C3orf38: variants seen among roughly 807,000 people sequenced by gnomAD.
C3orf38 encodes the protein chromosome 3 open reading frame 38, also known as uncharacterized protein C3orf38.
A neutral mutation model predicts 28.3 loss-of-function variants in C3orf38; 18 were observed. The ratio of observed to expected loss-of-function variants is 0.64; its 90% confidence interval spans 0.44 to 0.94. C3orf38 has a LOEUF of 0.94. Ranked by LOEUF, C3orf38 falls within the 40% of genes least tolerant of loss-of-function variation. C3orf38 has a pLI of 0.00. For synonymous variants in C3orf38, 145 were observed against 138.1 expected (o/e 1.05, Z -0.35); for missense variants, 364 against 396.4 (o/e 0.92, Z 0.69).
intron 1 of C3orf38, among the ~76,000 whole-genome samples, chr3:88,152,275 G>A (rs771007226): frequency 1.3e-5 from 2 of 151,780 alleles, no homozygotes; most frequent in Non-Finnish European, 2.9e-5. Flanking sequence ...AATTAGCTGG[G>A]TGTGGTGGCA....
chr3:88,157,425 A>G lies in C3orf38; in HGVS notation c.*790A>G, dbSNP rs1370355228. 1.3e-5 allele frequency: 2 copies of G among 152,182 alleles called. No homozygotes were observed. Among genetic ancestry groups the G allele is most frequent in the Non-Finnish European group, 2.9e-5 (2 of 68,008 alleles). The allele number at this position is 152,182 out of a possible 1,614,324, so 9.4% of individuals were successfully genotyped here. ...GTTACTGTAATACAATATAAAGGAA[A>G]TATGCTGTTGAAATTTTAAAGGTAT... On this transcript the variant is annotated 3_prime_UTR_variant, in exon 3 of 3. Coordinates refer to ENST00000318887, the MANE Select transcript of C3orf38 (RefSeq NM_173824.4).
intron 1 of C3orf38, 113 bp downstream of exon 1, chr3:88,150,298 G>A (rs781538058): frequency 1.5e-6 from 2 of 1,295,622 alleles, no homozygotes; most frequent in Admixed American, 2.3e-5. Flanking sequence ...CCACAGCTCT[G>A]GAACCACTAC....
chr3:88,156,217 A>G lies in C3orf38; in HGVS notation c.572A>G (p.Asp191Gly), dbSNP rs1223493186. 1 of 1,614,042 alleles carries G rather than the reference A, an allele frequency of 6.2e-7. No homozygotes were observed. The highest frequency in any genetic ancestry group is 8.5e-7 in the Non-Finnish European group (1 of 1,180,000). The change falls in exon 3 of 3, where the codon GAC becomes GGC. Residue 191 changes from aspartate to glycine, a missense_variant. Physicochemically the swap from Asp to Gly is moderately conservative, Grantham distance 94. Coordinates refer to ENST00000318887, the MANE Select transcript of C3orf38 (RefSeq NM_173824.4). The stretch of plus-strand genomic sequence containing the variant: ...AACACATCAGAACAAAATGTTATGG[A>G]CTACCATGGAGCAGAAATCGTGAGC... ...YYNTSEQNVM[D>G]YHGAEIVSLR...
In C3orf38 at chr3:88,156,392, T is replaced by G; in HGVS notation, c.747T>G (p.Ile249Met). ...TVHRGNTCLG[I>M]FEQIFGLIRC... Reference sequence around the variant, plus strand: ...ATCGAGGAAACACTTGTTTGGGCATTTTTGAACAAATTTTTGGACTCATCC... The same window carrying G: ...ATCGAGGAAACACTTGTTTGGGCATGTTTGAACAAATTTTTGGACTCATCC... Residue 249 changes from isoleucine to methionine, a missense_variant, in exon 3 of 3, where the codon ATT becomes ATG. Ile to Met is a conservative substitution (Grantham distance 10, BLOSUM62 1). Transcript: ENST00000318887. The G allele has an allele frequency of 6.2e-7, 1 of 1,614,236 alleles. No individual in the cohort carries two copies. The highest frequency in any genetic ancestry group is 8.5e-7 in the Non-Finnish European group (1 of 1,180,044).
At position 88,153,489 on chromosome 3, in the gene C3orf38, G is replaced by A. The variant is rs376204096; in HGVS notation, c.375+18G>A. ...TTCAACAGGTAAAATAAATCTTATG[G>A]TTGTATTCTGAACCTTTGTTCTGTC... On this transcript the variant is annotated intron_variant, in intron 2 of 2. Transcript: ENST00000318887. 6.2e-7 allele frequency: 1 copy of A among 1,612,600 alleles called. No homozygotes were observed. The highest frequency in any genetic ancestry group is 1.3e-5 in the African/African-American group (1 of 74,798).
intron 1 of C3orf38, chr3:88,151,139 A>G (rs536136336): frequency 1.3e-5 from 2 of 152,290 alleles, no homozygotes; most frequent in Admixed American, 1.3e-4. Flanking sequence ...CTAAAAGCAA[A>G]TAAGAAAAAA....
At chr3:88,154,223 A>C (rs1707451816) in intron 2 of C3orf38, among the ~76,000 whole-genome samples, 1 of 152,230 alleles carries the variant, frequency 6.6e-6, no homozygotes, top group African/African-American at 2.4e-5. Context: ...TTTAAGTTCC[A>C]GGGTACGTGT....
At position 88,150,115 on chromosome 3, in the gene C3orf38, G is replaced by A; in HGVS notation, c.63G>A (p.Leu21=). The change falls in exon 1 of 3, where the codon CTG becomes CTA. Residue 21 remains leucine, a synonymous_variant. Coordinates refer to ENST00000318887, the MANE Select transcript of C3orf38 (RefSeq NM_173824.4). ...GCTGCCGTAACCTACTTGGCCTACT[G>A]GACAACGACGAGATCATGGCCCTAT... ...MEGCRNLLGL[L]DNDEIMALCD... is the part of the protein sequence containing the mutation. The A allele has an allele frequency of 6.2e-7, 1 of 1,614,150 alleles. No individual in the cohort carries two copies. Among genetic ancestry groups the A allele is most frequent in the Non-Finnish European group, 8.5e-7 (1 of 1,180,012 alleles).
intron 1 of C3orf38, 132 bp from the exon 2 acceptor site, chr3:88,153,097 AT>A (rs1256810903): frequency 8.2e-6 from 7 of 858,466 alleles, no homozygotes; most frequent in Non-Finnish European, 1.2e-5. Flanking sequence ...TTTTTTAAAA[AT>A]GATGACTATC....
intron 1 of C3orf38, among the ~76,000 whole-genome samples, chr3:88,152,540 A>G (rs1576369175): frequency 6.6e-6 from 1 of 152,068 alleles, no homozygotes; most frequent in East Asian, 1.9e-4. Context: ...AGGCGGGCGG[A>G]TCATGAGGTC....
At chr3:88,151,464 A>G (rs1707411761) in intron 1 of C3orf38, among the ~76,000 whole-genome samples, 3 of 152,160 alleles carry the variant, frequency 2.0e-5, no homozygotes, top group Non-Finnish European at 4.4e-5. Flanking sequence ...CATACTCGAG[A>G]CCTAGTCTTC....
chr3:88,156,827 C>T lies in C3orf38; in HGVS notation c.*192C>T. 3 of 588,944 alleles carry T rather than the reference C, an allele frequency of 5.1e-6. No homozygotes were observed. Among genetic ancestry groups the T allele is most frequent in the South Asian group, 2.6e-5 (1 of 39,204 alleles). The allele number at this position is 588,944 out of a possible 1,614,324, so 36.5% of individuals were successfully genotyped here. ...TTGAAATACCTTTCTGGACTACAGA[C>T]TTACATATCATGTGAATACTTACCT... On this transcript the variant is annotated 3_prime_UTR_variant, in exon 3 of 3. Coordinates refer to ENST00000318887, the MANE Select transcript of C3orf38 (RefSeq NM_173824.4).
chr3:88,155,648 G>A (rs1031414216), intron 2 of C3orf38, among the ~76,000 whole-genome samples: 65 of 151,634 alleles, frequency 4.3e-4, no homozygotes, highest in Middle Eastern at 3.2e-3. Context: ...TAGTAGAGAC[G>A]GGGTTTCACT....
chr3:88,151,281 G>A (rs1412979751), intron 1 of C3orf38, among the ~76,000 whole-genome samples: 1 of 151,782 alleles, frequency 6.6e-6, no homozygotes, highest in Admixed American at 6.6e-5. Flanking sequence ...AGAAACAGAA[G>A]TTGTCTTTTC....
rs756201770 is a variant in C3orf38 at position 88,150,038 on chromosome 3, C to CA, written c.-15_-14insA. On this transcript the variant is annotated 5_prime_UTR_variant, in exon 1 of 3. Transcript: ENST00000318887. Reference sequence around the variant, plus strand: ...GCGACATTGTTGCCGTTGTCTTTCCCCCCCAGTCCCGGGGATGGAGATGTC... The same window carrying CA: ...GCGACATTGTTGCCGTTGTCTTTCCCACCCCAGTCCCGGGGATGGAGATGTC... 1.2e-6 allele frequency: 2 copies of CA among 1,613,994 alleles called. No individual in the cohort carries two copies. Among genetic ancestry groups the CA allele is most frequent in the East Asian group, 4.5e-5 (2 of 44,852 alleles).
At chr3:88,154,205 A>C (rs1307156395) in intron 2 of C3orf38, among the ~76,000 whole-genome samples, 1 of 152,120 alleles carries the variant, frequency 6.6e-6, no homozygotes, top group African/African-American at 2.4e-5. Flanking sequence ...CTTTAAAAAA[A>C]ATTTTCTTTT....
At chr3:88,152,154 G>A (rs6551279) in intron 1 of C3orf38, among the ~76,000 whole-genome samples, 114,560 of 152,024 alleles carry the variant, frequency 0.75, 45,005 homozygotes, top group South Asian at 0.91. Flanking sequence ...GGTGGCTCAC[G>A]CCTGTAATCC....
chr3:88,151,311 A>AATAT (rs375580821), intron 1 of C3orf38, among the ~76,000 whole-genome samples: 9 of 149,990 alleles, frequency 6.0e-5, no homozygotes, highest in African/African-American at 1.7e-4. Context: ...GATTGGAAAA[A>AATAT]ATATATATAT....
chr3:88,155,090 C>T (rs1042856551), intron 2 of C3orf38, among the ~76,000 whole-genome samples: 20 of 152,034 alleles, frequency 1.3e-4, no homozygotes, highest in African/African-American at 4.8e-4. Context: ...GAACTCCTAA[C>T]CTCAAGTGAT....
Sources: gnomAD v4.1 joint callset for allele counts (sites outside exome capture counted in the v4.1 genomes callset) on GRCh38, gnomAD v4.1.1 for gene constraint, MANE v1.5 for transcripts, NCBI Gene and HGNC (gene_info 2026-07-23, HGNC 2026-07-21) for gene names.